TMC7: variants seen among roughly 807,000 people sequenced by gnomAD.
TMC7 encodes transmembrane channel-like protein 7.
TMC7 carries 54 observed loss-of-function variants against 82.9 expected under a neutral mutation model. The ratio of observed to expected loss-of-function variants is 0.65; its 90% CI spans 0.52 to 0.82. TMC7 has a LOEUF of 0.82. Among genes scored for constraint, TMC7 ranks in the 40% least tolerant of loss-of-function variants. TMC7 has a pLI of 0.00. For missense variants in TMC7, 820 were observed against 901.2 expected (o/e 0.91, Z 1.15); for synonymous variants, 350 against 337.9 (o/e 1.04, Z -0.39).
chr16:19,057,982 T>C (rs1448780018), intron 14 of TMC7, among the ~76,000 whole-genome samples: 1 of 151,634 alleles, frequency 6.6e-6, no homozygotes, highest in Non-Finnish European at 1.5e-5. Context: ...TGTCTTGCTA[T>C]GTTGCCCAGG....
chr16:19,031,392 T>C (rs1960510145), intron 6 of TMC7, among the ~76,000 whole-genome samples: 1 of 152,202 alleles, frequency 6.6e-6, no homozygotes, highest in Non-Finnish European at 1.5e-5. Flanking sequence ...TGACTTTTCC[T>C]GTGGGAGACA....
chr16:19,040,437 C>T lies in TMC7; in HGVS notation c.1328C>T (p.Thr443Ile). ...TCTCCAGGCTTTGAGATCCGTCTGACAATCCTTAGGTAATGCCTAACATGA... is the reference window on the plus strand; with the variant it reads ...TCTCCAGGCTTTGAGATCCGTCTGATAATCCTTAGGTAATGCCTAACATGA... ...DYSPGFEIRL[T>I]ILRCVFMRLA... Residue 443 changes from threonine to isoleucine, a missense_variant, in exon 9 of 16, where the codon ACA (threonine) becomes ATA (isoleucine). Around this residue, in one of 2 missense-constraint regions of TMC7, gnomAD observed 650 missense variants for 669.9 expected, o/e 0.97. Coordinates refer to ENST00000304381, the MANE Select transcript of TMC7 (RefSeq NM_024847.4). 1.2e-6 allele frequency: 2 copies of T among 1,611,156 alleles called. No individual in the cohort carries two copies. The highest frequency in any genetic ancestry group is 1.7e-6 in the Non-Finnish European group (2 of 1,179,752).
At chr16:18,993,534 G>A (rs1225703347) in intron 1 of TMC7, among the ~76,000 whole-genome samples, 1 of 152,072 alleles carries the variant, frequency 6.6e-6, no homozygotes, top group Non-Finnish European at 1.5e-5. Context: ...GGCCATGAGG[G>A]ACAGAAGTTG....
chr16:19,046,031 A>G (rs531211767), intron 11 of TMC7, among the ~76,000 whole-genome samples: 7 of 152,270 alleles, frequency 4.6e-5, no homozygotes, highest in African/African-American at 1.7e-4. Context: ...TCTGTTCACA[A>G]CTGGAAACTT....
rs1010022772 is a variant in TMC7 at position 19,026,612 on chromosome 16, C to T, written c.711+3417C>T. Among the ~76,000 whole-genome samples, 4 of 152,200 alleles carry T rather than the reference C, an allele frequency of 2.6e-5. No homozygotes were observed. The Middle Eastern group carries it at 0.01, about 388-fold the overall frequency. ...TTTCTTCGCACACTGTAACCTTCTT[C>T]CTGATAGGAAAAATTTTATAGGAGA... On this transcript the variant is annotated intron_variant, in intron 5 of 15. Transcript: ENST00000304381.
intron 6 of TMC7, among the ~76,000 whole-genome samples, chr16:19,035,318 ATACTGTGCTCAG>A (rs1219203067): frequency 2.0e-5 from 3 of 152,144 alleles, no homozygotes; most frequent in Non-Finnish European, 2.9e-5. Flanking sequence ...GAACTATTGG[ATACTGTGCTCAG>A]TACCTGGATG....
intron 13 of TMC7, among the ~76,000 whole-genome samples, chr16:19,053,466 C>T (rs1442682538): frequency 4.6e-5 from 7 of 151,814 alleles, no homozygotes; most frequent in Admixed American, 1.3e-4. Context: ...TGCAGTGGCG[C>T]GATCTTGGCT....
intron 5 of TMC7, among the ~76,000 whole-genome samples, chr16:19,026,995 C>T (rs1434446572): frequency 6.9e-6 from 1 of 145,240 alleles, no homozygotes; most frequent in Non-Finnish European, 1.5e-5. Context: ...CTCCTGACCT[C>T]AAGTGATCCA....
At chr16:19,006,560 C>T (rs1174013910) in intron 1 of TMC7, among the ~76,000 whole-genome samples, 2 of 152,040 alleles carry the variant, frequency 1.3e-5, no homozygotes, top group East Asian at 3.9e-4. Context: ...TGACTTGGTT[C>T]GACCCCAGCC....
At chr16:19,043,260 C>T (rs947826203) in intron 9 of TMC7, among the ~76,000 whole-genome samples, 1 of 151,924 alleles carries the variant, frequency 6.6e-6, no homozygotes, top group Non-Finnish European at 1.5e-5. Context: ...TTTCACTTTT[C>T]AGCATGCCAG....
At chr16:18,991,729 T>C (rs2038954591) in intron 1 of TMC7, among the ~76,000 whole-genome samples, 1 of 152,008 alleles carries the variant, frequency 6.6e-6, no homozygotes, top group African/African-American at 2.4e-5. Flanking sequence ...ATGCTATCCC[T>C]CCCCCGTCCC....
intron 11 of TMC7, among the ~76,000 whole-genome samples, chr16:19,046,731 G>A (rs1428126903): frequency 1.3e-5 from 2 of 151,996 alleles, no homozygotes; most frequent in African/African-American, 2.4e-5. Flanking sequence ...CACTTGGGAG[G>A]CTGAGGCAGG....
At chr16:19,031,545 C>G (rs139279354) in intron 6 of TMC7, among the ~76,000 whole-genome samples, 2 of 152,280 alleles carry the variant, frequency 1.3e-5, no homozygotes, top group Non-Finnish European at 2.9e-5. Context: ...GTGGCACACA[C>G]CTGTAGTCCC....
In TMC7 at chr16:19,024,938, G is replaced by A. The variant is rs112029459; in HGVS notation, c.711+1743G>A. Among the ~76,000 whole-genome samples the A allele has an allele frequency of 3.0e-3, 462 of 152,042 alleles. 6 individuals carry two copies. The highest frequency in any genetic ancestry group is 0.01 in the African/African-American group (431 of 41,480). On this transcript the variant is annotated intron_variant, in intron 5 of 15. Transcript: ENST00000304381. Reference sequence around the variant, plus strand: ...GGAGAATGATGTGAACCCGGGAGGCGGAGCTTGCAGTGAGCCGAGATTGCA... The same window carrying A: ...GGAGAATGATGTGAACCCGGGAGGCAGAGCTTGCAGTGAGCCGAGATTGCA...
rs753302348 is a variant in TMC7 at position 19,035,716 on chromosome 16, G to T, written c.898G>T (p.Glu300Ter). The change falls in exon 7 of 16, where the codon GAG becomes TAG. Residue 300 changes from glutamate (E) to a stop codon, truncating the protein, a stop_gained. Coordinates refer to ENST00000304381, the MANE Select transcript of TMC7 (RefSeq NM_024847.4). LOFTEE classifies it high-confidence loss of function. ...CAAAATCAACCTGATTCGGAGTGAGGAGCACTTTCAGAGTTACTGCAACAA... is the reference window on the plus strand; with the variant it reads ...CAAAATCAACCTGATTCGGAGTGAGTAGCACTTTCAGAGTTACTGCAACAA... ...GFKINLIRSEEHFQSYCNKIF... is the reference protein window; with the variant it reads ...GFKINLIRSE 1 of 1,614,180 alleles carries T rather than the reference G, an allele frequency of 6.2e-7. No homozygotes were observed. The highest frequency in any genetic ancestry group is 1.7e-5 in the Admixed American group (1 of 60,010).
At chr16:19,027,989 C>T (rs577899107) in intron 5 of TMC7, among the ~76,000 whole-genome samples, 5 of 152,100 alleles carry the variant, frequency 3.3e-5, no homozygotes, top group Admixed American at 6.6e-5. Context: ...CCTACTTGAC[C>T]GCTGACCTTT....
intron 1 of TMC7, among the ~76,000 whole-genome samples, chr16:19,008,303 G>A (rs1437947672): frequency 8.5e-5 from 13 of 152,154 alleles, no homozygotes; most frequent in Admixed American, 8.5e-4. Context: ...TTGGCTTCTA[G>A]CTCTGGCCTG....
chr16:19,034,490 C>T (rs1228091416), intron 6 of TMC7, among the ~76,000 whole-genome samples: 1 of 149,446 alleles, frequency 6.7e-6, no homozygotes, highest in Admixed American at 6.6e-5. Flanking sequence ...CCCAGCTACT[C>T]GGAAGGCTCA....
At chr16:19,040,499 A>C (rs975162081) in intron 9 of TMC7, 53 bp downstream of exon 9, 8 of 1,524,184 alleles carry the variant, frequency 5.2e-6, no homozygotes, top group Non-Finnish European at 7.1e-6. Context: ...CTACCTGCCC[A>C]CTCTCTTGCC....
Sources: gnomAD v4.1 joint callset for allele counts (sites outside exome capture counted in the v4.1 genomes callset) on GRCh38, gnomAD v4.1.1 for gene constraint, gnomAD v4.1.1 regional missense constraint, MANE v1.5 for transcripts, NCBI Gene and HGNC (gene_info 2026-07-23, HGNC 2026-07-21) for gene names.